Variants in CEP43 observed in about 807,000 individuals in gnomAD.
CEP43 encodes the protein FGFR1 oncogene partner.
A neutral mutation model predicts 52.6 loss-of-function variants in CEP43; 36 were observed. The ratio of observed to expected loss-of-function variants is 0.68; its 90% CI spans 0.52 to 0.90. CEP43 has a LOEUF of 0.90. Among genes scored for constraint, CEP43 ranks in the 40% least tolerant of loss-of-function variants. CEP43 has a pLI of 0.00. For missense variants in CEP43, 506 were observed against 472.8 expected (o/e 1.07, Z -0.65); for synonymous variants, 192 against 172.4 (o/e 1.11, Z -0.89).
At chr6:167,028,168 T>G in intron 10 of CEP43, 1 of 985,448 alleles carries the variant, frequency 1.0e-6, no homozygotes, top group Non-Finnish European at 1.2e-6. Flanking sequence ...TTTTCACTTT[T>G]GTGGTGTTTC....
At chr6:167,021,516 G>A (rs1032142131) in intron 7 of CEP43, among the ~76,000 whole-genome samples, 53 of 152,124 alleles carry the variant, frequency 3.5e-4, no homozygotes, top group African/African-American at 1.3e-3. Flanking sequence ...ATTATTTTTT[G>A]TTTTCATTAT....
chr6:167,041,961 T>A lies in CEP43; in HGVS notation c.*1983T>A, dbSNP rs766603176. The A allele has an allele frequency of 4.8e-6, 2 of 412,830 alleles. No individual in the cohort carries two copies. The highest frequency in any genetic ancestry group is 6.6e-6 in the Non-Finnish European group (2 of 302,148). 25.6% of individuals were successfully genotyped at this position (412,830 alleles called of 1,614,324 possible). On this transcript the variant is annotated 3_prime_UTR_variant, in exon 13 of 13. Transcript: ENST00000366847. ...GCTTCAGCCTCCTGAGTAGCTGGGA[T>A]TACAGGTGCACACCACCACGCCCGG...
intron 10 of CEP43, 28 bp from the exon 11 acceptor site, chr6:167,032,572 GATA>G: frequency 1.3e-6 from 2 of 1,541,192 alleles, no homozygotes; most frequent in Non-Finnish European, 8.8e-7. Flanking sequence ...ACGCACATTA[GATA>G]TAACATATCT....
In CEP43 at chr6:167,024,838, C is replaced by A. The variant is rs144758821; in HGVS notation, c.863C>A (p.Pro288His). The A allele has an allele frequency of 9.3e-6, 15 of 1,612,806 alleles. No homozygotes were observed. The African/African-American group carries it at 1.9e-4, about 20-fold the overall frequency. ...CTGGCCTCGCTCTCGGATGCACCCC[C>A]CTTAAAAAGTGGACTCAGCTCCCTG... ...GSLASLSDAPPLKSGLSSLAG... is the reference protein window; with the variant it reads ...GSLASLSDAPHLKSGLSSLAG... The change falls in exon 9 of 13, where the codon CCC becomes CAC. Residue 288 changes from proline (P) to histidine (H), a missense_variant. Transcript: ENST00000366847.
chr6:167,048,034 C>T lies in CEP43; in HGVS notation c.*8056C>T, dbSNP rs1408612265. The T allele has an allele frequency of 6.6e-6, 1 of 152,210 alleles. No homozygotes were observed. Among genetic ancestry groups the T allele is most frequent in the African/African-American group, 2.4e-5 (1 of 41,458 alleles). The allele number at this position is 152,210 out of a possible 1,614,324, so 9.4% of individuals were successfully genotyped here. ...ACACGATGAGCATCTTTATTTAGCTCTGCTTTTAGATATCTGCATGATAAA... is the reference window on the plus strand; with the variant it reads ...ACACGATGAGCATCTTTATTTAGCTTTGCTTTTAGATATCTGCATGATAAA... On this transcript the variant is annotated 3_prime_UTR_variant, in exon 13 of 13. Transcript: ENST00000366847.
intron 7 of CEP43, among the ~76,000 whole-genome samples, chr6:167,013,909 G>T (rs1232540447): frequency 6.6e-6 from 1 of 152,208 alleles, no homozygotes; most frequent in African/African-American, 2.4e-5. Context: ...GGAAGCGGAG[G>T]TTGCAGTGAG....
chr6:167,039,465 G>C (rs1780649462), intron 12 of CEP43, among the ~76,000 whole-genome samples: 1 of 152,166 alleles, frequency 6.6e-6, no homozygotes, highest in African/African-American at 2.4e-5. Flanking sequence ...GTATTCCATG[G>C]TATGTATATA....
In CEP43 at chr6:167,052,520, A is replaced by C. The variant is rs1044493327; in HGVS notation, c.*12542A>C. 1 of 152,182 alleles carries C rather than the reference A, an allele frequency of 6.6e-6. No individual in the cohort carries two copies. Among genetic ancestry groups the C allele is most frequent in the Non-Finnish European group, 1.5e-5 (1 of 68,032 alleles). The allele number at this position is 152,182 out of a possible 1,614,324, so 9.4% of individuals were successfully genotyped here. Reference sequence around the variant, plus strand: ...TTATTAGAACAGTGTATCCTGGAGGACATCCCTTGCCTTTCACCAAGTGAC... The same window carrying C: ...TTATTAGAACAGTGTATCCTGGAGGCCATCCCTTGCCTTTCACCAAGTGAC... On this transcript the variant is annotated 3_prime_UTR_variant, in exon 13 of 13. Coordinates refer to ENST00000366847, the MANE Select transcript of CEP43 (RefSeq NM_007045.4).
intron 7 of CEP43, among the ~76,000 whole-genome samples, chr6:167,019,698 C>T (rs989345633): frequency 1.3e-5 from 2 of 152,010 alleles, no homozygotes; most frequent in Non-Finnish European, 1.5e-5. Context: ...TGCCCTTCTC[C>T]GTAAAACTTG....
At chr6:167,038,565 C>A (rs1014426001) in intron 12 of CEP43, among the ~76,000 whole-genome samples, 3 of 152,188 alleles carry the variant, frequency 2.0e-5, no homozygotes, top group African/African-American at 7.2e-5. Flanking sequence ...AAGTTTAATA[C>A]AGTTTTTCAC....
chr6:167,028,253 G>C (rs977722313), intron 10 of CEP43: 1 of 985,398 alleles, frequency 1.0e-6, no homozygotes, highest in Non-Finnish European at 1.2e-6. Context: ...TTTCCCTCCT[G>C]TTTCTGAGTG....
In CEP43 at chr6:167,026,472, C is replaced by T. The variant is rs144532341; in HGVS notation, c.920-75C>T. The T allele has an allele frequency of 2.8e-3, 2,631 of 927,358 alleles. 53 individuals carry two copies. The South Asian group carries it at 0.033, about 12-fold the overall frequency. 57.4% of individuals were successfully genotyped at this position (927,358 alleles called of 1,614,324 possible). A position where few individuals can be genotyped will look rare whatever the true frequency, so the allele number is the denominator to read the frequency against. ...CATAAAGAAGCCCCATATTGAACAA[C>T]GACAAAAATTGATGTGGTTTAGAGA... is the stretch of plus-strand genomic sequence containing the variant. On this transcript the variant is annotated intron_variant, in intron 9 of 12. Coordinates refer to ENST00000366847, the MANE Select transcript of CEP43 (RefSeq NM_007045.4).
intron 10 of CEP43, among the ~76,000 whole-genome samples, chr6:167,031,420 C>T (rs985401395): frequency 6.6e-6 from 1 of 152,202 alleles, no homozygotes; most frequent in African/African-American, 2.4e-5. Flanking sequence ...TGTTTGCTCC[C>T]TGAGATCAGA....
chr6:167,001,095 C>T (rs868096183), intron 2 of CEP43, among the ~76,000 whole-genome samples: 1 of 152,206 alleles, frequency 6.6e-6, no homozygotes, highest in Non-Finnish European at 1.5e-5. Context: ...GTTGCTTCCT[C>T]CACAGGGAAG....
chr6:167,035,475 A>G (rs1780564155), intron 12 of CEP43, among the ~76,000 whole-genome samples: 1 of 152,060 alleles, frequency 6.6e-6, no homozygotes, highest in Admixed American at 6.5e-5. Context: ...AGCCCAGTGG[A>G]ATGGGCAAGT....
intron 12 of CEP43, among the ~76,000 whole-genome samples, chr6:167,039,282 A>G (rs1376372831): frequency 6.6e-6 from 1 of 152,046 alleles, no homozygotes; most frequent in Non-Finnish European, 1.5e-5. Flanking sequence ...GGCACCCGCT[A>G]TATTGTCTGG....
intron 3 of CEP43, chr6:167,003,499 A>C (rs1045168466): frequency 1.9e-6 from 1 of 521,516 alleles, no homozygotes. Flanking sequence ...ACTGAAATCT[A>C]TGAGATGATT....
chr6:167,049,013 ATTT>A lies in CEP43; in HGVS notation c.*9039_*9041del, dbSNP rs1562539116. ...CATTTTTGATCAACAGAGTAAACTG[ATTT>A]TTTATCTCTGTTGAAAGATATTTTT... On this transcript the variant is annotated 3_prime_UTR_variant, in exon 13 of 13. Transcript: ENST00000366847. 1 of 152,204 alleles carries A rather than the reference ATTT, an allele frequency of 6.6e-6. No homozygotes were observed. Among genetic ancestry groups the A allele is most frequent in the East Asian group, 1.9e-4 (1 of 5,206 alleles). 9.4% of individuals were successfully genotyped at this position (152,204 alleles called of 1,614,324 possible). A position where few individuals can be genotyped will look rare whatever the true frequency, so the allele number is the denominator to read the frequency against.
At chr6:167,023,347 G>A (rs1214315416) in intron 8 of CEP43, among the ~76,000 whole-genome samples, 1 of 152,198 alleles carries the variant, frequency 6.6e-6, no homozygotes, top group East Asian at 1.9e-4. Flanking sequence ...GTTAATGATG[G>A]AAAAGGATTT....
Sources: allele counts gnomAD v4.1 joint callset (sites outside exome capture counted in the v4.1 genomes callset), GRCh38; gene constraint gnomAD v4.1.1; transcripts MANE v1.5; gene names NCBI Gene and HGNC (gene_info 2026-07-23, HGNC 2026-07-21).